PCDHA4: variants seen among roughly 807,000 people sequenced by gnomAD.
PCDHA4 encodes protocadherin alpha 4.
PCDHA4 carries 49 observed loss-of-function variants against 61.4 expected under a neutral mutation model. The ratio of observed to expected loss-of-function variants is 0.80; its 90% CI spans 0.63 to 1.01. PCDHA4 has a LOEUF of 1.01. Ranked by LOEUF, PCDHA4 falls within the 50% of genes least tolerant of loss-of-function variation. The pLI is 0.00. For missense variants in PCDHA4, 1,254 were observed against 1,235.8 expected (o/e 1.01, Z -0.22); for synonymous variants, 590 against 550.3 (o/e 1.07, Z -1.01).
Position 140,927,344 on chromosome 5 carries a change from A to G in PCDHA4, c.2386-51605A>G, listed in dbSNP as rs144568777. 1.0e-4 allele frequency: 168 copies of G among 1,613,994 alleles called. No homozygotes were observed. Among genetic ancestry groups the G allele is most frequent in the Middle Eastern group, 8.2e-4 (5 of 6,062 alleles). On this transcript the variant is annotated intron_variant, in intron 1 of 3. Transcript: ENST00000530339. ...TTTACTCTCCCGAATGCCCAAGATGACGACGAGGGAAGCAATGGGATACTA... is the reference window on the plus strand; with the variant it reads ...TTTACTCTCCCGAATGCCCAAGATGGCGACGAGGGAAGCAATGGGATACTA...
At position 140,978,994 on chromosome 5, in the gene PCDHA4, GCAGGCATGCA is replaced by G; in HGVS notation, c.2436_2444+1del. 3 of 1,614,152 alleles carry G rather than the reference GCAGGCATGCA, an allele frequency of 1.9e-6. No homozygotes were observed. The highest frequency in any genetic ancestry group is 8.5e-7 in the Non-Finnish European group (1 of 1,180,022). ...CTGGCGTTACTCTGCCTCCCTGAGA[GCAGGCATGCA>G]CAGGTATGTATTTCCCTCCTCATTC... On this transcript the variant is annotated frameshift_variant, in exon 2 of 4. Transcript: ENST00000530339. LOFTEE classifies it high-confidence loss of function.
At chr5:140,998,112 T>A (rs1554256165) in intron 3 of PCDHA4, among the ~76,000 whole-genome samples, 2 of 152,152 alleles carry the variant, frequency 1.3e-5, no homozygotes, top group Non-Finnish European at 2.9e-5. Context: ...AGGAGAAAAT[T>A]TACTTGTGAA....
intron 1 of PCDHA4, among the ~76,000 whole-genome samples, chr5:140,919,193 T>C (rs1444043948): frequency 6.6e-6 from 1 of 152,262 alleles, no homozygotes; most frequent in African/African-American, 2.4e-5. Flanking sequence ...ATTGGTCCTT[T>C]TGTCATTATA....
intron 1 of PCDHA4, among the ~76,000 whole-genome samples, chr5:140,914,080 T>G (rs2076596374): frequency 6.6e-6 from 1 of 152,222 alleles, no homozygotes; most frequent in African/African-American, 2.4e-5. Flanking sequence ...TAACTATCTA[T>G]TAGGTCAATT....
At chr5:140,844,210 G>A (rs2150369516) in intron 1 of PCDHA4, among the ~76,000 whole-genome samples, 22 of 149,554 alleles carry the variant, frequency 1.5e-4, no homozygotes, top group African/African-American at 5.4e-4. Context: ...GTGTCTGGTA[G>A]TCACAAATAT....
At chr5:140,989,644 T>C (rs1284720942) in intron 3 of PCDHA4, among the ~76,000 whole-genome samples, 3 of 152,232 alleles carry the variant, frequency 2.0e-5, no homozygotes, top group Non-Finnish European at 4.4e-5. Flanking sequence ...GGGTCTTTCA[T>C]GGCAATATTT....
chr5:140,848,322 C>T, intron 1 of PCDHA4: 1 of 771,738 alleles, frequency 1.3e-6, no homozygotes, highest in Non-Finnish European at 2.1e-6. Flanking sequence ...CCGCGATGTT[C>T]TCTCTGAATC....
chr5:140,959,382 A>C (rs1332960560), intron 1 of PCDHA4, among the ~76,000 whole-genome samples: 1 of 152,200 alleles, frequency 6.6e-6, no homozygotes, highest in African/African-American at 2.4e-5. Flanking sequence ...TCAAAAAAAA[A>C]AGTCACAAAT....
chr5:140,891,694 T>A (rs1302084074), intron 1 of PCDHA4, among the ~76,000 whole-genome samples: 1 of 152,236 alleles, frequency 6.6e-6, no homozygotes, highest in East Asian at 1.9e-4. Flanking sequence ...TTCTTGCTGT[T>A]GTCTGAATTT....
At chr5:140,936,163 G>A (rs2090818025) in intron 1 of PCDHA4, among the ~76,000 whole-genome samples, 1 of 152,090 alleles carries the variant, frequency 6.6e-6, no homozygotes, top group African/African-American at 2.4e-5. Flanking sequence ...AAAGTGCTGG[G>A]ATTAGAGGCC....
chr5:140,856,315 T>A (rs782568790), intron 1 of PCDHA4: 4 of 1,598,576 alleles, frequency 2.5e-6, no homozygotes, highest in Non-Finnish European at 3.4e-6. Context: ...ATTCTCGGAT[T>A]GACCGCGAGG....
intron 1 of PCDHA4, chr5:140,884,471 G>T (rs2060197778): frequency 1.2e-6 from 2 of 1,613,684 alleles, no homozygotes; most frequent in Admixed American, 3.3e-5. Flanking sequence ...GTGCGCGCCG[G>T]GCAAGCCCAC....
rs868946877 is a variant in PCDHA4, at chr5:140,809,278, C to T, written c.2091C>T (p.Asn697=). 5 of 1,613,996 alleles carry T rather than the reference C, an allele frequency of 3.1e-6. No homozygotes were observed. Among genetic ancestry groups the T allele is most frequent in the Non-Finnish European group, 4.2e-6 (5 of 1,179,966 alleles). The part of the protein sequence containing the change: ...VGPDAALVDV[N]VYLIIAICAV... ...CCGATGCTGCGCTGGTGGATGTCAACGTATACCTGATCATTGCCATCTGCG... is the reference window on the plus strand; with the variant it reads ...CCGATGCTGCGCTGGTGGATGTCAATGTATACCTGATCATTGCCATCTGCG... Residue 697 remains asparagine, a synonymous_variant, in exon 1 of 4, where the codon AAC becomes AAT. Transcript: ENST00000530339.
chr5:140,849,562 C>T, intron 1 of PCDHA4: 2 of 1,598,556 alleles, frequency 1.3e-6, no homozygotes, highest in Non-Finnish European at 1.7e-6. Context: ...AAAACGCTCT[C>T]GGTTCCTGTA....
At chr5:140,837,116 C>A (rs2150273189) in intron 1 of PCDHA4, 6 of 157,484 alleles carry the variant, frequency 3.8e-5, no homozygotes, top group Non-Finnish European at 8.4e-5. Context: ...TATATGTTAC[C>A]TAATATTTTA....
chr5:140,827,867 C>A, intron 1 of PCDHA4: 1 of 615,732 alleles, frequency 1.6e-6, no homozygotes, highest in African/African-American at 1.8e-5. Context: ...TATGGTATAG[C>A]ACTGTTACGT....
chr5:140,851,821 C>G, intron 1 of PCDHA4: 1 of 958,244 alleles, frequency 1.0e-6, no homozygotes, highest in Non-Finnish European at 1.3e-6. Context: ...AGACAGAAAT[C>G]TGTTTTTTTA....
chr5:140,828,632 G>C, intron 1 of PCDHA4: 1 of 1,614,214 alleles, frequency 6.2e-7, no homozygotes, highest in Non-Finnish European at 8.5e-7. Context: ...CTTCGGGCTA[G>C]ATGTGAAAAT....
chr5:140,954,724 C>T (rs2095079319), intron 1 of PCDHA4, among the ~76,000 whole-genome samples: 1 of 152,196 alleles, frequency 6.6e-6, no homozygotes, highest in Admixed American at 6.5e-5. Context: ...TGTAGGTTGT[C>T]TTTTCACTCT....
Sources: allele counts gnomAD v4.1 joint callset (sites outside exome capture counted in the v4.1 genomes callset), GRCh38; gene constraint gnomAD v4.1.1; transcripts MANE v1.5; gene names NCBI Gene and HGNC (gene_info 2026-07-23, HGNC 2026-07-21).